CPLX1: variants seen among roughly 807,000 people sequenced by gnomAD.
The protein encoded by CPLX1 is complexin 1.
A neutral mutation model predicts 15.6 loss-of-function variants in CPLX1; 6 were observed. The ratio of observed to expected loss-of-function variants is 0.39; its 90% CI spans 0.21 to 0.76. The LOEUF is 0.76. Ranked by LOEUF, CPLX1 falls within the 30% of genes least tolerant of loss-of-function variation. CPLX1 has a pLI of 0.43. For missense variants in CPLX1, 242 were observed against 188.6 expected, an observed-to-expected ratio of 1.28 and a Z score of -1.66; for synonymous variants, 91 against 75.2, an observed-to-expected ratio of 1.21 and a Z score of -1.08.
intron 2 of CPLX1, among the ~76,000 whole-genome samples, chr4:820,107 C>T (rs1241805996): frequency 6.6e-6 from 1 of 152,120 alleles, no homozygotes; most frequent in Non-Finnish European, 1.5e-5. Context: ...GCAGCTCCAC[C>T]GTCCTCCCAG....
chr4:795,883 A>G (rs887676890), intron 2 of CPLX1, among the ~76,000 whole-genome samples: 7 of 151,952 alleles, frequency 4.6e-5, no homozygotes, highest in Non-Finnish European at 1.0e-4. Flanking sequence ...ACCTCCCGGT[A>G]GCAGAAGGGG....
At chr4:786,819 C>T in intron 3 of CPLX1, 121 bp from the exon 4 acceptor site, 3 of 1,415,230 alleles carry the variant, frequency 2.1e-6, no homozygotes, top group Non-Finnish European at 9.2e-7. Flanking sequence ...CCTACCCCAC[C>T]AGGCACACAA....
At chr4:790,592 T>G (rs1374919055) in intron 3 of CPLX1, among the ~76,000 whole-genome samples, 1 of 152,132 alleles carries the variant, frequency 6.6e-6, no homozygotes, top group Non-Finnish European at 1.5e-5. Flanking sequence ...ATCCTGCCTC[T>G]GGGGACCCTG....
intron 1 of CPLX1, 47 bp from the exon 2 acceptor site, chr4:824,648 C>A (rs752610954): frequency 6.0e-6 from 6 of 1,006,656 alleles, no homozygotes; most frequent in African/African-American, 3.1e-5. Flanking sequence ...CAGGCCCCTG[C>A]CTGGCCTTCC....
At chr4:807,618 G>C (rs1209433614) in intron 2 of CPLX1, among the ~76,000 whole-genome samples, 1 of 152,004 alleles carries the variant, frequency 6.6e-6, no homozygotes, top group African/African-American at 2.4e-5. Flanking sequence ...GAGATTACGG[G>C]CAGGTGCCAC....
Position 792,554 on chromosome 4 carries a change from T to G in CPLX1, c.86A>C (p.Asp29Ala), listed in dbSNP as rs370561245. The change falls in exon 3 of 4, where the codon GAC (aspartate) becomes GCC (alanine). Residue 29 changes from aspartate (D) to alanine (A), a missense_variant. Coordinates refer to ENST00000304062, the MANE Select transcript of CPLX1 (RefSeq NM_006651.4). ...CCGCTCCTCCTCCTTCTTGGCGGCGTCTGGGTCCTTCTCCTCGTCACCCCC... is the reference window on the plus strand; with the variant it reads ...CCGCTCCTCCTCCTTCTTGGCGGCGGCTGGGTCCTTCTCCTCGTCACCCCC... Reference protein sequence around the residue: ...MLGGDEEKDPDAAKKEEERQE... With the variant: ...MLGGDEEKDPAAAKKEEERQE... The G allele has an allele frequency of 8.2e-5, 133 of 1,613,158 alleles. No individual in the cohort carries two copies. The highest frequency in any genetic ancestry group is 9.9e-5 in the Non-Finnish European group (117 of 1,179,678).
chr4:786,361 G>A lies in CPLX1; in HGVS notation c.*140C>T, dbSNP rs1439703395. On this transcript the variant is annotated 3_prime_UTR_variant, in exon 4 of 4. Transcript: ENST00000304062. ...GCGCCCCTTGCCGGGTGAGGGAGGCGGCGGGCGCGGGCAGGGCGGGCCTGG... is the reference window on the plus strand; with the variant it reads ...GCGCCCCTTGCCGGGTGAGGGAGGCAGCGGGCGCGGGCAGGGCGGGCCTGG... 29 of 910,670 alleles carry A rather than the reference G, an allele frequency of 3.2e-5. No homozygotes were observed. The highest frequency in any genetic ancestry group is 4.4e-5 in the Non-Finnish European group (29 of 659,408). 56.4% of individuals were successfully genotyped at this position (910,670 alleles called of 1,614,324 possible). A position where few individuals can be genotyped will look rare whatever the true frequency, so the allele number is the denominator to read the frequency against.
intron 2 of CPLX1, among the ~76,000 whole-genome samples, chr4:797,953 A>G (rs1746376883): frequency 6.6e-6 from 1 of 151,324 alleles, no homozygotes; most frequent in Non-Finnish European, 1.5e-5. Context: ...GACTTACTAT[A>G]ATCAAGGCAC....
At chr4:789,269 C>T (rs1049512298) in intron 3 of CPLX1, among the ~76,000 whole-genome samples, 12 of 152,140 alleles carry the variant, frequency 7.9e-5, no homozygotes, top group African/African-American at 1.9e-4. Context: ...CCAGGCCCAC[C>T]GTGATGCTGG....
chr4:814,041 C>T (rs796728379), intron 2 of CPLX1, among the ~76,000 whole-genome samples: 2 of 152,214 alleles, frequency 1.3e-5, no homozygotes, highest in Admixed American at 6.5e-5. Context: ...CACACCTGGG[C>T]GACCCAAGCC....
At chr4:816,013 C>T (rs776688196) in intron 2 of CPLX1, among the ~76,000 whole-genome samples, 5 of 152,124 alleles carry the variant, frequency 3.3e-5, no homozygotes, top group Admixed American at 6.5e-5. Flanking sequence ...AGAATATAAA[C>T]GCCTGTTAAG....
chr4:820,634 T>G (rs1560247555), intron 2 of CPLX1, among the ~76,000 whole-genome samples: 1 of 152,112 alleles, frequency 6.6e-6, no homozygotes, highest in African/African-American at 2.4e-5. Context: ...CTGGGGGAGA[T>G]GCTGGTGTTG....
At chr4:789,594 C>A (rs765902357) in intron 3 of CPLX1, among the ~76,000 whole-genome samples, 1 of 152,192 alleles carries the variant, frequency 6.6e-6, no homozygotes, top group Non-Finnish European at 1.5e-5. Flanking sequence ...GGCTGCCCAA[C>A]ATGGGTGGCT....
chr4:807,968 CAGGA>C (rs2152646369), intron 2 of CPLX1, among the ~76,000 whole-genome samples: 1 of 152,276 alleles, frequency 6.6e-6, no homozygotes, highest in African/African-American at 2.4e-5. Flanking sequence ...GCAGCACAAC[CAGGA>C]ATAAAAAATC....
chr4:800,588 G>GTATATA (rs886585727), intron 2 of CPLX1, among the ~76,000 whole-genome samples: 2 of 124,168 alleles, frequency 1.6e-5, no homozygotes, highest in African/African-American at 6.0e-5. Flanking sequence ...GTATATATAT[G>GTATATA]TATATATATA....
chr4:819,898 T>A (rs1204464367), intron 2 of CPLX1, among the ~76,000 whole-genome samples: 1 of 152,210 alleles, frequency 6.6e-6, no homozygotes, highest in African/African-American at 2.4e-5. Context: ...AAAGATCCAC[T>A]GAGGACGAAG....
At chr4:819,256 T>C (rs1378150340) in intron 2 of CPLX1, among the ~76,000 whole-genome samples, 1 of 152,222 alleles carries the variant, frequency 6.6e-6, no homozygotes, top group Admixed American at 6.5e-5. Flanking sequence ...ATAATATCCA[T>C]TTTATTCCCA....
chr4:817,246 T>TA (rs35754733), intron 2 of CPLX1, among the ~76,000 whole-genome samples: 23,397 of 132,514 alleles, frequency 0.18, 2,035 homozygotes, highest in East Asian at 0.27. Context: ...TGGGTGAATG[T>TA]AAAAAAAAAA....
intron 2 of CPLX1, among the ~76,000 whole-genome samples, chr4:805,806 T>G (rs983824479): frequency 4.6e-5 from 7 of 152,190 alleles, no homozygotes; most frequent in Non-Finnish European, 7.3e-5. Flanking sequence ...AACTGCAACA[T>G]GGATGAACCT....
Sources: allele counts gnomAD v4.1 joint callset (sites outside exome capture counted in the v4.1 genomes callset), GRCh38; gene constraint gnomAD v4.1.1; transcripts MANE v1.5; gene names NCBI Gene and HGNC (gene_info 2026-07-23, HGNC 2026-07-21).